The following SNX29 variants were observed in gnomAD, a reference collection of about 807,000 sequenced individuals.
SNX29 encodes sorting nexin 29, also known as sorting nexin-29.
Under a neutral mutation model 102.1 loss-of-function variants are expected in SNX29, and 78 were observed. The ratio of observed to expected loss-of-function variants is 0.76; its 90% confidence interval spans 0.64 to 0.92. SNX29 has a LOEUF of 0.92. Ranked by LOEUF, SNX29 falls within the 40% of genes least tolerant of loss-of-function variation. The pLI is 0.00. For synonymous variants in SNX29, 580 were observed against 414.5 expected, an observed-to-expected ratio of 1.40 and a Z score of -4.85; for missense variants, 1,280 against 1,061.7, an observed-to-expected ratio of 1.21 and a Z score of -2.86.
rs2052157688 is a variant in SNX29, at chr16:12,086,032, G to A, written c.1402+7117G>A. On this transcript the variant is annotated intron_variant, in intron 11 of 20. Coordinates refer to ENST00000566228, the MANE Select transcript of SNX29 (RefSeq NM_032167.5). ...TTCTTTTTTTTTTTTTTTTTTTTGAGATGGAGTCTCGCTCTGGCTGGAGGG... is the reference window on the plus strand; with the variant it reads ...TTCTTTTTTTTTTTTTTTTTTTTGAAATGGAGTCTCGCTCTGGCTGGAGGG... Among the ~76,000 whole-genome samples, 3 of 128,916 alleles carry A rather than the reference G, an allele frequency of 2.3e-5. No homozygotes were observed. The South Asian group carries it at 7.5e-4, about 32-fold the overall frequency. 84.6% of individuals were successfully genotyped at this position (128,916 alleles called of 152,430 possible). A position where few individuals can be genotyped will look rare whatever the true frequency, so the allele number is the denominator to read the frequency against.
chr16:12,444,787 G>A (rs1212571347), intron 18 of SNX29, among the ~76,000 whole-genome samples: 1 of 151,854 alleles, frequency 6.6e-6, no homozygotes, highest in African/African-American at 2.4e-5. Flanking sequence ...CTAGATCAGG[G>A]GTGAGCAAAC....
chr16:12,332,500 G>A (rs960190401), intron 15 of SNX29, among the ~76,000 whole-genome samples: 1 of 152,298 alleles, frequency 6.6e-6, no homozygotes, highest in African/African-American at 2.4e-5. Flanking sequence ...GCCTGTTAAA[G>A]TGATGACTCT....
At chr16:12,231,543 CAAAAAACAAAA>C (rs2077769876) in intron 14 of SNX29, among the ~76,000 whole-genome samples, 1 of 50,726 alleles carries the variant, frequency 2.0e-5, no homozygotes, top group South Asian at 3.7e-4. Flanking sequence ...AAAAAAAAAA[CAAAAAACAAAA>C]AACAAAAACA....
At chr16:12,498,650 A>G (rs752642617) in intron 19 of SNX29, among the ~76,000 whole-genome samples, 5 of 152,228 alleles carry the variant, frequency 3.3e-5, no homozygotes, top group Non-Finnish European at 7.3e-5. Context: ...AGAACAGATA[A>G]TGCACACATA....
At chr16:12,498,977 C>T (rs909055396) in intron 19 of SNX29, among the ~76,000 whole-genome samples, 2 of 152,096 alleles carry the variant, frequency 1.3e-5, no homozygotes, top group Admixed American at 1.3e-4. Flanking sequence ...AGCCATAGCT[C>T]CTTTTGGACA....
chr16:12,456,113 G>A (rs1370533603), intron 18 of SNX29, among the ~76,000 whole-genome samples: 2 of 152,018 alleles, frequency 1.3e-5, no homozygotes, highest in Non-Finnish European at 2.9e-5. Flanking sequence ...TTATTTCCAG[G>A]CACTGGTCTG....
chr16:12,046,516 G>A (rs1409265655), intron 6 of SNX29, 62 bp downstream of exon 6: 2 of 1,536,134 alleles, frequency 1.3e-6, no homozygotes, highest in Admixed American at 3.4e-5. Context: ...GCTGCCTTGG[G>A]GCAGTTCCAC....
At chr16:12,381,965 C>T (rs1223373619) in intron 16 of SNX29, among the ~76,000 whole-genome samples, 10 of 151,408 alleles carry the variant, frequency 6.6e-5, no homozygotes, top group African/African-American at 1.2e-4. Flanking sequence ...GTAGTGGATA[C>T]AGTTGTGCAA....
In SNX29 at chr16:12,571,889, C is replaced by G. The variant is rs1241059714; in HGVS notation, c.*3260C>G. The G allele has an allele frequency of 7.5e-6, 8 of 1,061,746 alleles. No individual in the cohort carries two copies. The highest frequency in any genetic ancestry group is 3.3e-5 in the African/African-American group (2 of 60,848). 65.8% of individuals were successfully genotyped at this position (1,061,746 alleles called of 1,614,324 possible). On this transcript the variant is annotated 3_prime_UTR_variant, in exon 21 of 21. Coordinates refer to ENST00000566228, the MANE Select transcript of SNX29 (RefSeq NM_032167.5). ...CATTTTAGAGTTTGGAGCTGAGGTT[C>G]AAAGCCCCCTGCATTTCTCTACTGG...
chr16:12,044,175 G>T (rs1159188860), intron 5 of SNX29, among the ~76,000 whole-genome samples: 4 of 152,182 alleles, frequency 2.6e-5, no homozygotes, highest in African/African-American at 9.7e-5. Context: ...CATCAGCAAC[G>T]CCCAGATCGT....
At chr16:12,565,733 C>T (rs2078974797) in intron 20 of SNX29, among the ~76,000 whole-genome samples, 1 of 152,176 alleles carries the variant, frequency 6.6e-6, no homozygotes, top group Admixed American at 6.5e-5. Context: ...GCTACAAGTC[C>T]ACCCCCTCCC....
At chr16:12,462,835 T>G (rs2086867211) in intron 18 of SNX29, among the ~76,000 whole-genome samples, 1 of 152,190 alleles carries the variant, frequency 6.6e-6, no homozygotes, top group African/African-American at 2.4e-5. Flanking sequence ...GCAGCCTGTT[T>G]AGCAATGCAC....
At chr16:12,539,701 C>T (rs547812255) in intron 20 of SNX29, among the ~76,000 whole-genome samples, 1 of 152,208 alleles carries the variant, frequency 6.6e-6, no homozygotes, top group African/African-American at 2.4e-5. Flanking sequence ...GCATGTCATA[C>T]TGTCATGATT....
intron 18 of SNX29, among the ~76,000 whole-genome samples, chr16:12,462,603 C>A (rs2086857103): frequency 6.6e-6 from 1 of 152,054 alleles, no homozygotes; most frequent in Admixed American, 6.5e-5. Context: ...TACACACACA[C>A]ACACACACGT....
At chr16:12,529,805 G>A (rs575121018) in intron 20 of SNX29, among the ~76,000 whole-genome samples, 1 of 152,296 alleles carries the variant, frequency 6.6e-6, no homozygotes, top group South Asian at 2.1e-4. Flanking sequence ...ACCCTGACCT[G>A]TGCACTGCCA....
rs537655051 is a variant in SNX29, at chr16:12,549,278, C to G, written c.2319-19228C>G. ...TGGGAGGCTGAGGTGGTAGATCACT[C>G]AGGGTCAGAAGTTGGAAACCAGCCT... is the stretch of plus-strand genomic sequence containing the variant. On this transcript the variant is annotated intron_variant, in intron 20 of 20. Transcript: ENST00000566228. 2.6e-3 allele frequency among the ~76,000 whole-genome samples: 391 copies of G among 152,248 alleles called. 3 individuals are homozygous for G. The highest frequency in any genetic ancestry group is 8.9e-3 in the African/African-American group (369 of 41,530).
chr16:12,537,765 G>C (rs2077140861), intron 20 of SNX29, among the ~76,000 whole-genome samples: 2 of 152,016 alleles, frequency 1.3e-5, no homozygotes, highest in African/African-American at 4.8e-5. Context: ...TGTGGGGTTT[G>C]TTTAAACAAA....
intron 15 of SNX29, among the ~76,000 whole-genome samples, chr16:12,328,115 C>T (rs1043653944): frequency 1.3e-5 from 2 of 152,170 alleles, no homozygotes; most frequent in Admixed American, 1.3e-4. Flanking sequence ...CATACCTCTC[C>T]CTTGTAGTCG....
chr16:12,548,894 G>A (rs1040227693), intron 20 of SNX29, among the ~76,000 whole-genome samples: 1 of 152,228 alleles, frequency 6.6e-6, no homozygotes, highest in Non-Finnish European at 1.5e-5. Flanking sequence ...ACACATAGCA[G>A]CACTCACTCG....
Sources: allele counts gnomAD v4.1 joint callset (sites outside exome capture counted in the v4.1 genomes callset), GRCh38; gene constraint gnomAD v4.1.1; transcripts MANE v1.5; gene names NCBI Gene and HGNC (gene_info 2026-07-23, HGNC 2026-07-21).